Variants in PAMR1 observed in about 807,000 individuals in gnomAD.
PAMR1 encodes the protein peptidase domain containing associated with muscle regeneration 1.
Under a neutral mutation model 81.8 loss-of-function variants are expected in PAMR1, and 88 were observed. The observed-to-expected ratio is 1.08, with a 90% confidence interval of 0.91 to 1.28. The LOEUF is 1.28. Ranked by LOEUF, PAMR1 falls within the 50% of genes most tolerant of loss-of-function variation. PAMR1 has a pLI of 0.00. For synonymous variants in PAMR1, 336 were observed against 345.3 expected (o/e 0.97, Z 0.30); for missense variants, 935 against 919.7 (o/e 1.02, Z -0.21).
In PAMR1 at chr11:35,520,446, G is replaced by T. The variant is rs12225092; in HGVS notation, c.73+5067C>A. Among the ~76,000 whole-genome samples, 757 of 152,150 alleles carry T rather than the reference G, an allele frequency of 5.0e-3. 13 individuals carry two copies. In the East Asian group the frequency reaches 0.064, roughly 13 times the overall value. The stretch of plus-strand genomic sequence containing the variant: ...CTCTTCATTTTAATCTAAAGCTCTC[G>T]CCCAGGTGTTGAGATGACTGACAAA... On this transcript the variant is annotated intron_variant, in intron 1 of 10. Coordinates refer to ENST00000619888, the MANE Select transcript of PAMR1 (RefSeq NM_001001991.3).
chr11:35,434,420 A>G, intron 10 of PAMR1, 92 bp downstream of exon 10: 2 of 1,280,410 alleles, frequency 1.6e-6, no homozygotes, highest in Non-Finnish European at 2.2e-6. Flanking sequence ...CTGACATGCT[A>G]AGGGGACAGA....
intron 3 of PAMR1, among the ~76,000 whole-genome samples, chr11:35,477,866 C>G (rs1269932750): frequency 3.3e-5 from 5 of 152,134 alleles, no homozygotes; most frequent in Admixed American, 6.5e-5. Flanking sequence ...TTTGCCCGCT[C>G]CCTTTTTGAA....
intron 6 of PAMR1, among the ~76,000 whole-genome samples, chr11:35,449,606 C>T (rs1856369909): frequency 6.6e-6 from 1 of 152,222 alleles, no homozygotes; most frequent in African/African-American, 2.4e-5. Context: ...GCAGTGATGG[C>T]TGCCTCCCCT....
Position 35,450,129 on chromosome 11 carries a change from C to CAAAAAAAA in PAMR1, c.821-8444_821-8437dup, listed in dbSNP as rs60887441. 7.0e-4 allele frequency among the ~76,000 whole-genome samples: 30 copies of CAAAAAAAA among 43,050 alleles called. 4 individuals are homozygous for CAAAAAAAA. The highest frequency in any genetic ancestry group is 8.6e-4 in the Non-Finnish European group (23 of 26,848). The allele number at this position is 43,050 out of a possible 152,430, so 28.2% of individuals were successfully genotyped here. On this transcript the variant is annotated intron_variant, in intron 6 of 10. Transcript: ENST00000619888. ...AGAAACTTACTTGGCTGCCTCCAGG[C>CAAAAAAAA]AAAAAAAAAAAAAAAAAAAAAAAAA...
intron 6 of PAMR1, chr11:35,452,020 G>A: frequency 1.2e-5 from 6 of 498,598 alleles, no homozygotes; most frequent in South Asian, 6.7e-5. Context: ...TAAGACAGAA[G>A]GCAAGACTGA....
intron 3 of PAMR1, among the ~76,000 whole-genome samples, chr11:35,479,263 T>C (rs1850338534): frequency 6.6e-6 from 1 of 152,170 alleles, no homozygotes; most frequent in Admixed American, 6.5e-5. Flanking sequence ...GATGACACAG[T>C]CTGTGATGCC....
At chr11:35,525,469 C>T (rs760833145) in intron 1 of PAMR1, 44 bp downstream of exon 1, 6 of 1,547,450 alleles carry the variant, frequency 3.9e-6, no homozygotes, top group African/African-American at 1.4e-5. Flanking sequence ...AATGCTCCCT[C>T]CTAGGGTGTC....
intron 6 of PAMR1, among the ~76,000 whole-genome samples, chr11:35,453,726 G>C (rs1219842278): frequency 6.6e-6 from 1 of 152,106 alleles, no homozygotes; most frequent in East Asian, 1.9e-4. Context: ...TCCTATTTGA[G>C]TTTTTAATGA....
intron 1 of PAMR1, among the ~76,000 whole-genome samples, chr11:35,502,458 T>G (rs1331655000): frequency 1.3e-5 from 2 of 152,134 alleles, no homozygotes; most frequent in African/African-American, 4.8e-5. Flanking sequence ...CCCCTCCCTG[T>G]GTCCATGTGT....
intron 1 of PAMR1, among the ~76,000 whole-genome samples, chr11:35,502,952 C>T (rs1466575875): frequency 6.6e-6 from 1 of 151,836 alleles, no homozygotes; most frequent in Non-Finnish European, 1.5e-5. Context: ...CCAATGTTTA[C>T]TTTTAGTAGC....
intron 7 of PAMR1, 125 bp downstream of exon 7, chr11:35,441,356 T>C: frequency 1.4e-6 from 1 of 711,300 alleles, no homozygotes; most frequent in Non-Finnish European, 2.4e-6. Context: ...CAGAGATATA[T>C]GGTTTCAGAA....
intron 1 of PAMR1, among the ~76,000 whole-genome samples, chr11:35,515,427 G>T (rs1590397543): frequency 6.6e-6 from 1 of 152,200 alleles, no homozygotes; most frequent in African/African-American, 2.4e-5. Flanking sequence ...GGGTCCCGAA[G>T]CCCTGAGCTG....
upstream of PAMR1, among the ~76,000 whole-genome samples, chr11:35,526,443 T>G (rs79646110): frequency 3.0e-3 from 464 of 152,258 alleles, 1 homozygote; most frequent in Non-Finnish European, 3.9e-3. Context: ...AGATAGCAAG[T>G]GACATCTCGA....
chr11:35,476,185 A>G (rs11033141), intron 3 of PAMR1, among the ~76,000 whole-genome samples: 48,601 of 151,936 alleles, frequency 0.32, 8,328 homozygotes, highest in African/African-American at 0.45. Flanking sequence ...CCAATGATGG[A>G]AAGCATCATC....
At chr11:35,508,703 A>G (rs1484616473) in intron 1 of PAMR1, among the ~76,000 whole-genome samples, 1 of 151,938 alleles carries the variant, frequency 6.6e-6, no homozygotes, top group Non-Finnish European at 1.5e-5. Context: ...TCCACCTGCA[A>G]GTAGGCCCCA....
chr11:35,439,610 A>C lies in PAMR1; in HGVS notation c.1100+17T>G, dbSNP rs201919290. 90 of 1,597,902 alleles carry C rather than the reference A, an allele frequency of 5.6e-5. No individual in the cohort carries two copies. Among genetic ancestry groups the C allele is most frequent in the Non-Finnish European group, 5.1e-6 (6 of 1,165,232 alleles). On this transcript the variant is annotated intron_variant, in intron 8 of 10. Transcript: ENST00000619888. ...CTCATTAGCCTTCAGGGCAGAGTGC[A>C]GGTGTTTTGACCTCACCTTGACTGA...
At chr11:35,487,721 G>A (rs1850537340) in intron 3 of PAMR1, among the ~76,000 whole-genome samples, 1 of 152,184 alleles carries the variant, frequency 6.6e-6, no homozygotes, top group Admixed American at 6.5e-5. Context: ...GAGAAAACGG[G>A]AGAACTCACC....
At chr11:35,521,310 G>A (rs1408505927) in intron 1 of PAMR1, among the ~76,000 whole-genome samples, 1 of 152,210 alleles carries the variant, frequency 6.6e-6, no homozygotes, top group Non-Finnish European at 1.5e-5. Flanking sequence ...TTAGTCCTCA[G>A]CAGCTGAACT....
intron 3 of PAMR1, among the ~76,000 whole-genome samples, chr11:35,485,082 T>C (rs898678998): frequency 6.6e-6 from 1 of 152,176 alleles, no homozygotes; most frequent in African/African-American, 2.4e-5. Flanking sequence ...GAGAAATAGC[T>C]TGTTTCAAGA....
Sources: gnomAD v4.1 joint callset for allele counts (sites outside exome capture counted in the v4.1 genomes callset) on GRCh38, gnomAD v4.1.1 for gene constraint, MANE v1.5 for transcripts, NCBI Gene and HGNC (gene_info 2026-07-23, HGNC 2026-07-21) for gene names.